Variants in RANBP17 observed in about 807,000 individuals in gnomAD.
RANBP17 encodes RAN binding protein 17.
A neutral mutation model predicts 141.2 loss-of-function variants in RANBP17; 158 were observed. That is an observed-to-expected ratio of 1.12 (90% confidence interval 0.98 to 1.28). The LOEUF is 1.28. RANBP17 is among the 50% of genes most tolerant of loss of function. The probability of loss-of-function intolerance (pLI) is 0.00; values close to 1 mark genes in which losing one functional copy is unlikely to be tolerated. For synonymous variants in RANBP17, 430 were observed against 450.0 expected (o/e 0.96, Z 0.56); for missense variants, 1,438 against 1,290.7 (o/e 1.11, Z -1.75).
At chr5:171,182,182 A>G (rs1028396922) in intron 16 of RANBP17, among the ~76,000 whole-genome samples, 42 of 152,362 alleles carry the variant, frequency 2.8e-4, no homozygotes, top group Middle Eastern at 3.4e-3. Flanking sequence ...CAATGGAGCC[A>G]TATAAGATTA....
At chr5:171,273,061 C>T (rs926468706) in intron 25 of RANBP17, among the ~76,000 whole-genome samples, 1 of 152,170 alleles carries the variant, frequency 6.6e-6, no homozygotes, top group Non-Finnish European at 1.5e-5. Flanking sequence ...TTTAATGCCT[C>T]CGAGGTAGCT....
At chr5:171,064,757 A>G (rs1472683282) in intron 14 of RANBP17, among the ~76,000 whole-genome samples, 3 of 151,992 alleles carry the variant, frequency 2.0e-5, no homozygotes, top group Admixed American at 6.6e-5. Context: ...TTGAGCTCAC[A>G]TGATCTGCCT....
At chr5:171,085,218 G>C (rs902746148) in intron 14 of RANBP17, among the ~76,000 whole-genome samples, 1 of 140,936 alleles carries the variant, frequency 7.1e-6, no homozygotes. Context: ...ATTAAATAGG[G>C]AATCCTTTCC....
chr5:170,864,509 C>G (rs944900410), intron 1 of RANBP17, among the ~76,000 whole-genome samples: 1 of 152,112 alleles, frequency 6.6e-6, no homozygotes, highest in Non-Finnish European at 1.5e-5. Context: ...CAGTTGCATT[C>G]TGGTTAGGAA....
At chr5:170,960,945 C>T (rs930364650) in intron 13 of RANBP17, among the ~76,000 whole-genome samples, 4 of 152,132 alleles carry the variant, frequency 2.6e-5, no homozygotes, top group African/African-American at 7.2e-5. Flanking sequence ...AGGGTTTCAC[C>T]GTGTTGGCCA....
At chr5:170,910,939 GTGTTT>G in intron 6 of RANBP17, 25 bp from the exon 7 acceptor site, 4 of 1,599,496 alleles carry the variant, frequency 2.5e-6, no homozygotes, top group Non-Finnish European at 3.4e-6. Flanking sequence ...GTATTTCGCA[GTGTTT>G]TCTTTGATTT....
intron 24 of RANBP17, among the ~76,000 whole-genome samples, chr5:171,259,929 C>G (rs919009227): frequency 6.6e-6 from 1 of 151,734 alleles, no homozygotes; most frequent in African/African-American, 2.4e-5. Context: ...TGCGACAAAC[C>G]GAGATTGCGC....
At chr5:171,032,290 T>TA in intron 14 of RANBP17, among the ~76,000 whole-genome samples, 1 of 152,226 alleles carries the variant, frequency 6.6e-6, no homozygotes, top group East Asian at 1.9e-4. Flanking sequence ...TCTAAATGGG[T>TA]AGATATGAAT....
At chr5:171,071,653 C>CAAAAAAAAAAAAATGCAA (rs1784640102) in intron 14 of RANBP17, among the ~76,000 whole-genome samples, 1 of 69,618 alleles carries the variant, frequency 1.4e-5, no homozygotes, top group Non-Finnish European at 2.5e-5. Flanking sequence ...CAGCTTTATG[C>CAAAAAAAAAAAAATGCAA]AAAAAAAAAA....
chr5:171,172,534 A>G (rs923854969), intron 16 of RANBP17, among the ~76,000 whole-genome samples: 2 of 151,608 alleles, frequency 1.3e-5, no homozygotes, highest in South Asian at 4.2e-4. Flanking sequence ...AAAAAACTCA[A>G]CCCATATTTT....
intron 12 of RANBP17, among the ~76,000 whole-genome samples, chr5:170,935,705 A>G (rs1443601899): frequency 6.6e-6 from 1 of 151,956 alleles, no homozygotes; most frequent in African/African-American, 2.4e-5. Flanking sequence ...TCGCCCCCCT[A>G]CTGGGAGGTG....
intron 14 of RANBP17, among the ~76,000 whole-genome samples, chr5:171,088,360 A>T (rs994246784): frequency 1.3e-5 from 2 of 152,052 alleles, no homozygotes; most frequent in Non-Finnish European, 2.9e-5. Flanking sequence ...TTCCCTTTGT[A>T]AGTAACATGA....
intron 24 of RANBP17, among the ~76,000 whole-genome samples, chr5:171,255,433 TAAAA>T (rs74513742): frequency 1.3e-5 from 2 of 150,620 alleles, no homozygotes; most frequent in Admixed American, 6.6e-5. Context: ...ATTTTTGCAT[TAAAA>T]AAAAACATGC....
At chr5:171,023,945 G>A (rs1179984952) in intron 14 of RANBP17, among the ~76,000 whole-genome samples, 1 of 152,048 alleles carries the variant, frequency 6.6e-6, no homozygotes, top group African/African-American at 2.4e-5. Context: ...TTTTGTTGTT[G>A]CAAAAATCAA....
At chr5:171,252,481 A>G in intron 24 of RANBP17, 1 of 1,456,838 alleles carries the variant, frequency 6.9e-7, no homozygotes, top group Non-Finnish European at 9.6e-7. Context: ...CAACACAGAA[A>G]CCCTATGCAG....
At chr5:170,940,002 G>A (rs1774199996) in intron 12 of RANBP17, among the ~76,000 whole-genome samples, 1 of 151,874 alleles carries the variant, frequency 6.6e-6, no homozygotes. Context: ...AATAACCAGA[G>A]ACAATAGGAC....
chr5:171,066,506 T>C (rs555801990), intron 14 of RANBP17, among the ~76,000 whole-genome samples: 1 of 152,310 alleles, frequency 6.6e-6, no homozygotes, highest in South Asian at 2.1e-4. Flanking sequence ...GATATCCTTC[T>C]TTTTTAAGGC....
intron 14 of RANBP17, among the ~76,000 whole-genome samples, chr5:171,121,316 C>A (rs946250067): frequency 1.2e-4 from 19 of 152,230 alleles, no homozygotes; most frequent in African/African-American, 4.6e-4. Context: ...GTGCCAGGGG[C>A]AGCCTGTGGG....
At chr5:171,244,852 G>A (rs370232957) in intron 24 of RANBP17, among the ~76,000 whole-genome samples, 4 of 151,984 alleles carry the variant, frequency 2.6e-5, no homozygotes, top group South Asian at 2.1e-4. Context: ...TAGGCCAGGC[G>A]CGGTGGCTCA....
Sources: allele counts gnomAD v4.1 joint callset (sites outside exome capture counted in the v4.1 genomes callset), GRCh38; gene constraint gnomAD v4.1.1; transcripts MANE v1.5; gene names NCBI Gene and HGNC (gene_info 2026-07-23, HGNC 2026-07-21).